The following POGZ variants were observed in gnomAD, a reference collection of about 807,000 sequenced individuals.
POGZ encodes the protein pogo transposable element derived with ZNF domain.
A neutral mutation model predicts 134.6 loss-of-function variants in POGZ; 17 were observed. The observed-to-expected ratio is 0.13, with a 90% confidence interval of 0.09 to 0.19. POGZ has a LOEUF of 0.19. Ranked by LOEUF, POGZ falls within the 10% of genes least tolerant of loss-of-function variation. The probability of loss-of-function intolerance (pLI) is 1.00; values close to 1 mark genes in which losing one functional copy is unlikely to be tolerated. For synonymous variants in POGZ, 693 were observed against 657.1 expected (o/e 1.05, Z -0.84); for missense variants, 1,306 against 1,769.7 (o/e 0.74, Z 4.70).
rs781005835 is a variant in POGZ, at chr1:151,411,776, G to A, written c.1780-5C>T. 1 of 1,608,530 alleles carries A rather than the reference G, an allele frequency of 6.2e-7. No homozygotes were observed. Among genetic ancestry groups the A allele is most frequent in the Non-Finnish European group, 8.5e-7 (1 of 1,177,724 alleles). ...TGAGGAGCGATATTGACACACCTGAGTCACATAGGAGGGAAAATAAGGCTA... is the reference window on the plus strand; with the variant it reads ...TGAGGAGCGATATTGACACACCTGAATCACATAGGAGGGAAAATAAGGCTA... On this transcript the variant is annotated splice_polypyrimidine_tract_variant and splice_region_variant and intron_variant, in intron 11 of 18. Transcript: ENST00000271715.
In POGZ at chr1:151,450,413, C is replaced by T. The variant is rs544031596; in HGVS notation, c.-1-8208G>A. Among the ~76,000 whole-genome samples, 6 of 152,154 alleles carry T rather than the reference C, an allele frequency of 3.9e-5. No individual in the cohort carries two copies. The South Asian group carries it at 8.3e-4, about 21-fold the overall frequency. On this transcript the variant is annotated intron_variant, in intron 1 of 18. Transcript: ENST00000271715. ...TGTCGCCTGGGCTGTAGTGCAGTGG[C>T]GCGATCTCAACTCACTGCAGCCTCG...
chr1:151,418,144 A>G (rs1656113815), intron 10 of POGZ, among the ~76,000 whole-genome samples: 1 of 151,948 alleles, frequency 6.6e-6, no homozygotes, highest in African/African-American at 2.4e-5. Context: ...TTAACCCAGG[A>G]GGTGGAGGTT....
intron 1 of POGZ, among the ~76,000 whole-genome samples, chr1:151,457,033 T>A: frequency 6.6e-6 from 1 of 152,300 alleles, no homozygotes; most frequent in South Asian, 2.1e-4. Flanking sequence ...ATAAATAGCA[T>A]CTTACTATTA....
intron 10 of POGZ, among the ~76,000 whole-genome samples, chr1:151,417,787 T>A (rs928351328): frequency 2.6e-5 from 4 of 151,950 alleles, no homozygotes; most frequent in Non-Finnish European, 5.9e-5. Flanking sequence ...AATATCATGA[T>A]GTCTACAATT....
chr1:151,455,078 G>C (rs935066255), intron 1 of POGZ: 4 of 151,058 alleles, frequency 2.6e-5, no homozygotes, highest in Non-Finnish European at 5.9e-5. Context: ...TTACGCTCCA[G>C]CCTGGGCAAT....
At chr1:151,434,812 G>C (rs1057105354) in intron 3 of POGZ, among the ~76,000 whole-genome samples, 1 of 151,852 alleles carries the variant, frequency 6.6e-6, no homozygotes, top group African/African-American at 2.4e-5. Context: ...TTGATCTCCT[G>C]ACCTTGTGAT....
chr1:151,456,178 A>G (rs140175461), intron 1 of POGZ, among the ~76,000 whole-genome samples: 74 of 152,326 alleles, frequency 4.9e-4, no homozygotes, highest in African/African-American at 1.7e-3. Context: ...TTGCAACATC[A>G]TGCATTGGTC....
At chr1:151,408,637 T>G in intron 13 of POGZ, 56 bp from the exon 14 acceptor site, 1 of 1,603,704 alleles carries the variant, frequency 6.2e-7, no homozygotes, top group Non-Finnish European at 8.5e-7. Flanking sequence ...TTCAGAATAC[T>G]GAAAATCTCT....
chr1:151,416,444 C>A (rs1655711055), intron 10 of POGZ, among the ~76,000 whole-genome samples: 1 of 151,870 alleles, frequency 6.6e-6, no homozygotes, highest in Non-Finnish European at 1.5e-5. Context: ...TTAAGTTGCA[C>A]TGAGCTGTGA....
intron 1 of POGZ, among the ~76,000 whole-genome samples, chr1:151,458,556 G>T (rs1241484192): frequency 6.6e-6 from 1 of 151,140 alleles, no homozygotes; most frequent in Non-Finnish European, 1.5e-5. Flanking sequence ...TCTCGGAGCG[G>T]GAATGGGGCG....
rs111717776 is a variant in POGZ, at chr1:151,435,306, A to G, written c.284-4465T>C. Among the ~76,000 whole-genome samples, 201 of 152,376 alleles carry G rather than the reference A, an allele frequency of 1.3e-3. 1 individual carries two copies. The highest frequency in any genetic ancestry group is 1.4e-3 in the Non-Finnish European group (94 of 68,044). On this transcript the variant is annotated intron_variant, in intron 3 of 18. Coordinates refer to ENST00000271715, the MANE Select transcript of POGZ (RefSeq NM_015100.4). ...TAATTAGTTATACTGTAAGAAATTT[A>G]TAACATTAAATTCACATCATTCACA...
intron 3 of POGZ, among the ~76,000 whole-genome samples, chr1:151,436,558 C>G (rs1659627057): frequency 6.6e-6 from 1 of 152,094 alleles, no homozygotes; most frequent in Non-Finnish European, 1.5e-5. Flanking sequence ...ATTCTCCTGC[C>G]TCAGCCTCCC....
At chr1:151,421,891 T>C (rs1656985001) in intron 10 of POGZ, among the ~76,000 whole-genome samples, 1 of 152,142 alleles carries the variant, frequency 6.6e-6, no homozygotes, top group Admixed American at 6.5e-5. Context: ...TAGTTGGGAT[T>C]ACCTGCGCAC....
intron 3 of POGZ, among the ~76,000 whole-genome samples, chr1:151,437,887 C>T (rs1659891317): frequency 6.6e-6 from 1 of 152,098 alleles, no homozygotes; most frequent in South Asian, 2.1e-4. Context: ...TATTCTGAAG[C>T]CATATCCTTA....
chr1:151,454,426 G>A lies in POGZ; in HGVS notation c.-2+4726C>T, dbSNP rs556246840. ...TTTTATTTATCCAGTCTTTTGCACA[G>A]CCCATTTTGTCCCTCACAACATCTG... On this transcript the variant is annotated intron_variant, in intron 1 of 18. Transcript: ENST00000271715. Among the ~76,000 whole-genome samples the A allele has an allele frequency of 1.6e-3, 248 of 152,228 alleles. 3 individuals are homozygous for A. Among genetic ancestry groups the A allele is most frequent in the South Asian group, 2.1e-3 (10 of 4,826 alleles).
intron 1 of POGZ, among the ~76,000 whole-genome samples, chr1:151,448,909 T>C (rs1268709393): frequency 1.3e-5 from 2 of 152,114 alleles, no homozygotes; most frequent in Non-Finnish European, 2.9e-5. Flanking sequence ...CAAAACTATC[T>C]TTCCTTGAAC....
At chr1:151,408,871 G>T (rs769364387) in intron 12 of POGZ, 43 bp from the exon 13 acceptor site, 4 of 1,577,018 alleles carry the variant, frequency 2.5e-6, no homozygotes, top group Non-Finnish European at 3.4e-6. Context: ...TCCCTTAAAG[G>T]TTCCTAATAA....
In POGZ at chr1:151,428,317, G is replaced by A; in HGVS notation, c.665C>T (p.Pro222Leu). The part of the protein sequence containing the change: ...VRPGSTMPVR[P>L]TTNTFTTVIP... ...GACGGTGGTGAAGGTGTTGGTGGTG[G>A]GCCTCACAGGCATTGTGGAGCCTGG... Residue 222 changes from proline (P) to leucine (L), a missense_variant, in exon 6 of 19, where the codon CCC (proline) becomes CTC (leucine). Around this residue, in one of 10 missense-constraint regions of POGZ, gnomAD observed 541 missense variants for 680.5 expected, o/e 0.80. Transcript: ENST00000271715. The A allele has an allele frequency of 6.2e-7, 1 of 1,614,058 alleles. No individual in the cohort carries two copies. Among genetic ancestry groups the A allele is most frequent in the Non-Finnish European group, 8.5e-7 (1 of 1,179,996 alleles).
At chr1:151,451,642 A>G (rs1378643811) in intron 1 of POGZ, among the ~76,000 whole-genome samples, 1 of 151,916 alleles carries the variant, frequency 6.6e-6, no homozygotes, top group Non-Finnish European at 1.5e-5. Context: ...CATTATTTAA[A>G]TGTAACTTTG....
Sources: gnomAD v4.1 joint callset for allele counts (sites outside exome capture counted in the v4.1 genomes callset) on GRCh38, gnomAD v4.1.1 for gene constraint, gnomAD v4.1.1 regional missense constraint, MANE v1.5 for transcripts, NCBI Gene and HGNC (gene_info 2026-07-23, HGNC 2026-07-21) for gene names.